KCNIP4: variants seen among roughly 807,000 people sequenced by gnomAD.
The protein encoded by KCNIP4 is Kv channel-interacting protein 4.
KCNIP4 carries 12 observed loss-of-function variants against 34.0 expected under a neutral mutation model. The observed-to-expected ratio is 0.35, with a 90% confidence interval of 0.23 to 0.57. The LOEUF (loss-of-function observed/expected upper bound fraction) is 0.57, where lower values mean the gene tolerates loss of function less well. KCNIP4 is among the 20% of genes least tolerant of loss of function. KCNIP4 has a pLI of 0.83. For synonymous variants in KCNIP4, 124 were observed against 102.2 expected (o/e 1.21, Z -1.29); for missense variants, 238 against 311.7 (o/e 0.76, Z 1.78).
At chr4:21,507,122 T>C (rs1285958889) in intron 1 of KCNIP4, among the ~76,000 whole-genome samples, 3 of 151,864 alleles carry the variant, frequency 2.0e-5, no homozygotes, top group Non-Finnish European at 4.4e-5. Context: ...TTTAAAATTA[T>C]TTTACTTTTA....
intron 1 of KCNIP4, among the ~76,000 whole-genome samples, chr4:20,902,079 C>T (rs1727211801): frequency 6.6e-6 from 1 of 152,158 alleles, no homozygotes; most frequent in African/African-American, 2.4e-5. Flanking sequence ...ATTTTCTGGA[C>T]TTTTCACCAC....
chr4:21,907,882 A>T (rs1033544929), intron 1 of KCNIP4, among the ~76,000 whole-genome samples: 4 of 152,202 alleles, frequency 2.6e-5, no homozygotes, highest in African/African-American at 9.7e-5. Context: ...TACCAAAAAT[A>T]ATAACAAAAG....
chr4:21,393,872 C>T (rs1722756374), intron 1 of KCNIP4, among the ~76,000 whole-genome samples: 1 of 152,086 alleles, frequency 6.6e-6, no homozygotes, highest in African/African-American at 2.4e-5. Context: ...TGTTGATAAA[C>T]ACTCCAATAA....
chr4:21,645,184 A>G (rs1251933836), intron 1 of KCNIP4, among the ~76,000 whole-genome samples: 1 of 152,166 alleles, frequency 6.6e-6, no homozygotes, highest in Non-Finnish European at 1.5e-5. Context: ...AAACATATTA[A>G]TTCATTCAAT....
chr4:21,397,790 G>T (rs1723131568), intron 1 of KCNIP4, among the ~76,000 whole-genome samples: 1 of 152,118 alleles, frequency 6.6e-6, no homozygotes, highest in Non-Finnish European at 1.5e-5. Flanking sequence ...TAAATAAGTG[G>T]GGGCTCCTGT....
At chr4:21,311,933 C>A (rs1713231464) in intron 1 of KCNIP4, among the ~76,000 whole-genome samples, 1 of 152,090 alleles carries the variant, frequency 6.6e-6, no homozygotes, top group African/African-American at 2.4e-5. Context: ...GTCTCATCAG[C>A]CCCATGATCT....
chr4:21,405,067 T>C (rs1044748827), intron 1 of KCNIP4, among the ~76,000 whole-genome samples: 9 of 152,132 alleles, frequency 5.9e-5, no homozygotes, highest in Non-Finnish European at 1.0e-4. Context: ...CAATATCTAA[T>C]CTCATCCTCC....
Position 21,189,835 on chromosome 4 carries a change from C to T in KCNIP4, c.62-307126G>A, listed in dbSNP as rs115164130. Among the ~76,000 whole-genome samples the T allele has an allele frequency of 4.4e-3, 669 of 152,228 alleles. 5 individuals carry two copies. Among genetic ancestry groups the T allele is most frequent in the African/African-American group, 0.016 (653 of 41,550 alleles). On this transcript the variant is annotated intron_variant, in intron 1 of 8. Transcript: ENST00000382152. ...TTAACATTCAGGGATTTCACTTTCC[C>T]CTTTATTTCTAAAATTTGCATTTTA...
chr4:20,961,974 C>A (rs945926586), intron 1 of KCNIP4, among the ~76,000 whole-genome samples: 2 of 152,138 alleles, frequency 1.3e-5, no homozygotes, highest in African/African-American at 2.4e-5. Context: ...TTTTCTCCCA[C>A]CCCTTCAGTT....
At chr4:21,336,148 AT>A (rs1234012635) in intron 1 of KCNIP4, among the ~76,000 whole-genome samples, 1 of 152,124 alleles carries the variant, frequency 6.6e-6, no homozygotes, top group Non-Finnish European at 1.5e-5. Context: ...TGTTTGGTGA[AT>A]TTATTTACAT....
rs183473038 is a variant in KCNIP4, at chr4:21,496,682, A to T, written c.61+451889T>A. ...GGTACCAGTCCATGGCCTGTTAGGA[A>T]CCGGCTGCACAGCCAGAGGTGAGCG... On this transcript the variant is annotated intron_variant, in intron 1 of 8. Transcript: ENST00000382152. Among the ~76,000 whole-genome samples the T allele has an allele frequency of 9.3e-3, 1,410 of 152,280 alleles. 40 individuals carry two copies. Among genetic ancestry groups the T allele is most frequent in the Admixed American group, 0.066 (1,016 of 15,294 alleles).
intron 1 of KCNIP4, among the ~76,000 whole-genome samples, chr4:21,707,489 T>C (rs1038905383): frequency 2.0e-5 from 3 of 152,104 alleles, no homozygotes; most frequent in South Asian, 2.1e-4. Context: ...AAAGTGTTTA[T>C]GACATATGTG....
chr4:21,196,487 T>C (rs557234983), intron 1 of KCNIP4, among the ~76,000 whole-genome samples: 1 of 152,312 alleles, frequency 6.6e-6, no homozygotes, highest in Non-Finnish European at 1.5e-5. Flanking sequence ...ACCATGCAGA[T>C]GCCTCATCTT....
At chr4:21,031,011 A>G (rs1740976886) in intron 1 of KCNIP4, among the ~76,000 whole-genome samples, 1 of 152,190 alleles carries the variant, frequency 6.6e-6, no homozygotes, top group African/African-American at 2.4e-5. Context: ...AGGAGAGAGC[A>G]TGGCATAGAA....
intron 1 of KCNIP4, among the ~76,000 whole-genome samples, chr4:21,372,431 G>T (rs899713868): frequency 2.5e-5 from 2 of 81,590 alleles, no homozygotes; most frequent in African/African-American, 8.6e-5. Context: ...TATAGATATA[G>T]ATGTGTATAT....
chr4:20,992,584 G>T (rs1242572501), intron 1 of KCNIP4, among the ~76,000 whole-genome samples: 1 of 151,814 alleles, frequency 6.6e-6, no homozygotes, highest in Non-Finnish European at 1.5e-5. Flanking sequence ...CTCCCTTTCT[G>T]CCTCTCCCCC....
At position 21,645,027 on chromosome 4, in the gene KCNIP4, T is replaced by A. The variant is rs1746911164; in HGVS notation, c.61+303544A>T. Among the ~76,000 whole-genome samples, 3 of 152,176 alleles carry A rather than the reference T, an allele frequency of 2.0e-5. No individual in the cohort carries two copies. The South Asian group carries it at 6.2e-4, about 31-fold the overall frequency. On this transcript the variant is annotated intron_variant, in intron 1 of 8. Transcript: ENST00000382152. ...TTATTGAACATTACTATTTGCCAGA[T>A]GTTGTATTAATATTACCTTCTTTAT...
intron 1 of KCNIP4, among the ~76,000 whole-genome samples, chr4:21,916,451 T>C (rs1728636136): frequency 6.6e-6 from 1 of 152,204 alleles, no homozygotes; most frequent in Non-Finnish European, 1.5e-5. Flanking sequence ...CAGAAGCCTG[T>C]ACCTACAAAA....
intron 1 of KCNIP4, among the ~76,000 whole-genome samples, chr4:21,199,728 A>G (rs1756327292): frequency 1.6e-5 from 1 of 61,458 alleles, no homozygotes; most frequent in African/African-American, 1.7e-4. Context: ...GCTGCTATAA[A>G]GATACATGCA....
Sources: allele counts gnomAD v4.1 joint callset (sites outside exome capture counted in the v4.1 genomes callset), GRCh38; gene constraint gnomAD v4.1.1; transcripts MANE v1.5; gene names NCBI Gene and HGNC (gene_info 2026-07-23, HGNC 2026-07-21).